Variants in RAB28 observed in about 807,000 individuals in gnomAD.
RAB28 encodes ras-related protein Rab-28.
RAB28 carries 24 observed loss-of-function variants against 31.7 expected under a neutral mutation model. The observed-to-expected ratio is 0.76, with a 90% CI of 0.55 to 1.06. The LOEUF (loss-of-function observed/expected upper bound fraction) is 1.06, where lower values mean the gene tolerates loss of function less well. Among genes scored for constraint, RAB28 ranks in the 50% least tolerant of loss-of-function variants. RAB28 has a pLI of 0.00. For missense variants in RAB28, 254 were observed against 258.5 expected (o/e 0.98, Z 0.12); for synonymous variants, 100 against 90.4 (o/e 1.11, Z -0.60).
chr4:13,470,947 T>C (rs1299566000), intron 3 of RAB28, among the ~76,000 whole-genome samples: 5 of 152,124 alleles, frequency 3.3e-5, no homozygotes. Context: ...ATCAGTTTTA[T>C]TTGGATCCAA....
chr4:13,384,214 G>T (rs1729262866), intron 4 of RAB28, among the ~76,000 whole-genome samples: 1 of 152,138 alleles, frequency 6.6e-6, no homozygotes, highest in South Asian at 2.1e-4. Context: ...GCACAGACCT[G>T]CACCCGCCAG....
intron 4 of RAB28, among the ~76,000 whole-genome samples, chr4:13,444,055 T>A (rs1044496241): frequency 6.7e-6 from 1 of 149,962 alleles, no homozygotes; most frequent in Non-Finnish European, 1.5e-5. Context: ...CATGACGGAG[T>A]CTCGCTGTGT....
intron 3 of RAB28, among the ~76,000 whole-genome samples, chr4:13,461,252 A>G (rs1715577962): frequency 6.6e-6 from 1 of 152,224 alleles, no homozygotes; most frequent in Admixed American, 6.5e-5. Context: ...AAATATTTTC[A>G]AAAACAGAGA....
intron 4 of RAB28, among the ~76,000 whole-genome samples, chr4:13,396,690 A>C (rs1264346450): frequency 6.6e-6 from 1 of 152,066 alleles, no homozygotes; most frequent in African/African-American, 2.4e-5. Flanking sequence ...GCAGTTTAAA[A>C]ATTTTCCTGT....
chr4:13,418,607 T>C (rs1053341893), intron 4 of RAB28, among the ~76,000 whole-genome samples: 1 of 152,150 alleles, frequency 6.6e-6, no homozygotes, highest in African/African-American at 2.4e-5. Context: ...TCAACATTCT[T>C]AAAGAAAAGA....
intron 4 of RAB28, among the ~76,000 whole-genome samples, chr4:13,436,943 T>C (rs1714151349): frequency 6.6e-6 from 1 of 151,930 alleles, no homozygotes; most frequent in African/African-American, 2.4e-5. Flanking sequence ...AAGCATCACA[T>C]TACCCAACTT....
At chr4:13,370,856 CTA>C in intron 6 of RAB28, 1 of 955,686 alleles carries the variant, frequency 1.0e-6, no homozygotes, top group South Asian at 4.8e-5. Flanking sequence ...AAATAAGAAA[CTA>C]TTTATTTTTA....
At chr4:13,474,560 C>T (rs1449038848) in intron 2 of RAB28, among the ~76,000 whole-genome samples, 154 bp from the exon 3 acceptor site, 4 of 151,444 alleles carry the variant, frequency 2.6e-5, no homozygotes, top group Admixed American at 1.3e-4. Context: ...TTTGGAATTG[C>T]GAAAACAACG....
rs552917092 is a variant in RAB28, at chr4:13,376,426, T to G, written c.573+119A>C. The G allele has an allele frequency of 2.1e-5, 13 of 632,102 alleles. No individual in the cohort carries two copies. In the African/African-American group the frequency reaches 2.3e-4, roughly 11 times the overall value. The allele number at this position is 632,102 out of a possible 1,614,324, so 39.2% of individuals were successfully genotyped here. On this transcript the variant is annotated intron_variant, in intron 6 of 6. Coordinates refer to ENST00000330852, the MANE Select transcript of RAB28 (RefSeq NM_001017979.3). ...ACACTGATTCATACATACAATCTAT[T>G]CCCAAAGCTTTTAGAGATACGTACA... is the stretch of plus-strand genomic sequence containing the variant.
intron 4 of RAB28, among the ~76,000 whole-genome samples, chr4:13,421,543 G>C (rs1323747761): frequency 6.6e-6 from 1 of 152,056 alleles, no homozygotes; most frequent in East Asian, 1.9e-4. Flanking sequence ...ACATGGTACT[G>C]TACCAAAAGA....
chr4:13,432,458 C>A (rs932191442), intron 4 of RAB28, among the ~76,000 whole-genome samples: 9 of 152,054 alleles, frequency 5.9e-5, no homozygotes, highest in Non-Finnish European at 1.0e-4. Context: ...AGATGCTCTA[C>A]AAGATGACCA....
chr4:13,458,955 T>C (rs1217395912), intron 4 of RAB28, among the ~76,000 whole-genome samples: 2 of 152,210 alleles, frequency 1.3e-5, no homozygotes, highest in Non-Finnish European at 2.9e-5. Context: ...GTGAGGGTGT[T>C]GCCAAAGGAG....
intron 4 of RAB28, among the ~76,000 whole-genome samples, chr4:13,397,400 C>T (rs1729916105): frequency 6.6e-6 from 1 of 152,224 alleles, no homozygotes; most frequent in East Asian, 1.9e-4. Flanking sequence ...GGGGTGCTAG[C>T]AATGCTCTAT....
rs753228773 is a variant in RAB28, at chr4:13,381,591, T to A, written c.395A>T (p.Asp132Val). The A allele has an allele frequency of 6.2e-7, 1 of 1,609,826 alleles. No individual in the cohort carries two copies. The highest frequency in any genetic ancestry group is 8.5e-7 in the Non-Finnish European group (1 of 1,177,492). The change falls in exon 5 of 7, where the codon GAT becomes GTT. Residue 132 changes from aspartate to valine, a missense_variant. By Grantham distance (152) the Asp-to-Val change is radical. Coordinates refer to ENST00000330852, the MANE Select transcript of RAB28 (RefSeq NM_001017979.3). ...PLVALVGNKI[D>V]LEHMRTIKPE... ...TTTTATTGTTCGCATATGCTCCAAA[T>A]CAACTAGAAAGGTGTTAAAGAAAGA...
At chr4:13,424,555 C>T (rs1713365161) in intron 4 of RAB28, among the ~76,000 whole-genome samples, 1 of 152,208 alleles carries the variant, frequency 6.6e-6, no homozygotes, top group Admixed American at 6.5e-5. Flanking sequence ...CCCACAGGTA[C>T]TAGTGGCTAG....
At chr4:13,380,159 T>C (rs191939986) in intron 5 of RAB28, among the ~76,000 whole-genome samples, 214 of 152,264 alleles carry the variant, frequency 1.4e-3, no homozygotes, top group African/African-American at 4.9e-3. Flanking sequence ...TGGGTGAGTA[T>C]GTGCCCATGT....
intron 3 of RAB28, chr4:13,473,717 AT>A: frequency 3.7e-6 from 1 of 271,870 alleles, no homozygotes; most frequent in Non-Finnish European, 7.4e-6. Context: ...TGCGAAATTT[AT>A]GTAATTATTC....
At chr4:13,448,936 T>C (rs1237772931) in intron 4 of RAB28, among the ~76,000 whole-genome samples, 1 of 147,672 alleles carries the variant, frequency 6.8e-6, no homozygotes, top group Non-Finnish European at 1.5e-5. Flanking sequence ...GCAGCAGCAA[T>C]AGAGACAGAA....
At chr4:13,460,554 T>A in intron 4 of RAB28, 145 bp downstream of exon 4, 1 of 954,334 alleles carries the variant, frequency 1.0e-6, no homozygotes, top group South Asian at 1.4e-5. Context: ...ATGACCTAAT[T>A]ACCTCCCAAA....
Sources: gnomAD v4.1 joint callset for allele counts (sites outside exome capture counted in the v4.1 genomes callset) on GRCh38, gnomAD v4.1.1 for gene constraint, MANE v1.5 for transcripts, NCBI Gene and HGNC (gene_info 2026-07-23, HGNC 2026-07-21) for gene names.